The following ENOX1 variants were observed in gnomAD, a reference collection of about 807,000 sequenced individuals.
ENOX1 encodes the protein candidate growth-related and time keeping constitutive hydroquinone (NADH) oxidase.
A neutral mutation model predicts 82.5 loss-of-function variants in ENOX1; 42 were observed. The observed-to-expected ratio is 0.51, with a 90% CI of 0.40 to 0.66. The LOEUF is 0.66. Ranked by LOEUF, ENOX1 falls within the 30% of genes least tolerant of loss-of-function variation. ENOX1 has a pLI of 0.00. For missense variants in ENOX1, 608 were observed against 811.6 expected (o/e 0.75, Z 3.05); for synonymous variants, 271 against 282.2 (o/e 0.96, Z 0.40).
intron 2 of ENOX1, among the ~76,000 whole-genome samples, chr13:43,554,450 T>G (rs1264492365): frequency 6.6e-6 from 1 of 152,222 alleles, no homozygotes; most frequent in Non-Finnish European, 1.5e-5. Flanking sequence ...GGGCATTCAT[T>G]ATCTCCTTTG....
At chr13:43,340,583 C>T (rs1407736951) in intron 9 of ENOX1, among the ~76,000 whole-genome samples, 2 of 152,206 alleles carry the variant, frequency 1.3e-5, no homozygotes, top group Non-Finnish European at 2.9e-5. Context: ...ATGATTCTTT[C>T]ACCCCAACTC....
At chr13:43,567,703 T>C (rs972329240) in intron 2 of ENOX1, among the ~76,000 whole-genome samples, 15 of 152,128 alleles carry the variant, frequency 9.9e-5, no homozygotes, top group African/African-American at 3.6e-4. Context: ...TTAATCTACA[T>C]GTCTACTCTG....
chr13:43,785,346 A>G (rs1415998297), intron 1 of ENOX1, among the ~76,000 whole-genome samples: 1 of 152,144 alleles, frequency 6.6e-6, no homozygotes, highest in Non-Finnish European at 1.5e-5. Flanking sequence ...TCTCTCCTCC[A>G]GGAATCAATT....
intron 12 of ENOX1, among the ~76,000 whole-genome samples, chr13:43,293,697 C>G (rs754685950): frequency 9.9e-5 from 15 of 152,190 alleles, no homozygotes; most frequent in Non-Finnish European, 2.1e-4. Context: ...TTGCAGAAGA[C>G]ATGCTGAACT....
chr13:43,236,055 A>G (rs1405057050), intron 15 of ENOX1, among the ~76,000 whole-genome samples: 1 of 152,198 alleles, frequency 6.6e-6, no homozygotes, highest in East Asian at 1.9e-4. Context: ...CCTCGTGAAA[A>G]TAAGTAAGAC....
intron 1 of ENOX1, among the ~76,000 whole-genome samples, chr13:43,732,385 C>T (rs967979098): frequency 3.9e-5 from 6 of 152,188 alleles, no homozygotes; most frequent in African/African-American, 1.4e-4. Context: ...AGAATATACT[C>T]TCAAATCCTC....
rs1269522386 is a variant in ENOX1, at chr13:43,325,089, A to G, written c.1143+1330T>C. On this transcript the variant is annotated intron_variant, in intron 10 of 16. Coordinates refer to ENST00000690772, the MANE Select transcript of ENOX1 (RefSeq NM_001347969.2). ...TCATAACCCTCAGTTTGTCTACTGC[A>G]TCACAAACAGAGGACTCTTTTTTTT... 8.5e-5 allele frequency among the ~76,000 whole-genome samples: 13 copies of G among 152,200 alleles called. 1 individual carries two copies. Among genetic ancestry groups the G allele is most frequent in the Admixed American group, 8.5e-4 (13 of 15,278 alleles).
At chr13:43,577,842 C>T (rs1303285411) in intron 2 of ENOX1, among the ~76,000 whole-genome samples, 1 of 152,206 alleles carries the variant, frequency 6.6e-6, no homozygotes, top group Non-Finnish European at 1.5e-5. Flanking sequence ...TCTCTATTAA[C>T]TGACAACTTT....
intron 5 of ENOX1, among the ~76,000 whole-genome samples, chr13:43,379,252 C>G (rs924481375): frequency 6.6e-6 from 1 of 151,730 alleles, no homozygotes; most frequent in Non-Finnish European, 1.5e-5. Context: ...CCTGTTATAG[C>G]AATAGTAAAA....
intron 9 of ENOX1, among the ~76,000 whole-genome samples, chr13:43,328,242 CG>C (rs923821817): frequency 2.0e-5 from 3 of 152,182 alleles, no homozygotes; most frequent in Non-Finnish European, 4.4e-5. Context: ...AGTGGATCAC[CG>C]GGGCTTTCTG....
At chr13:43,349,742 A>G (rs2049646822) in intron 8 of ENOX1, among the ~76,000 whole-genome samples, 1 of 152,272 alleles carries the variant, frequency 6.6e-6, no homozygotes, top group African/African-American at 2.4e-5. Flanking sequence ...AGTGAAGGCC[A>G]GGTAAACTGG....
intron 1 of ENOX1, among the ~76,000 whole-genome samples, chr13:43,701,717 T>G (rs550957559): frequency 6.6e-6 from 1 of 152,316 alleles, no homozygotes; most frequent in Admixed American, 6.5e-5. Context: ...GATTTTAGAC[T>G]GAAGGAATTT....
At chr13:43,362,089 C>T (rs1481427143) in intron 5 of ENOX1, among the ~76,000 whole-genome samples, 1 of 151,522 alleles carries the variant, frequency 6.6e-6, no homozygotes, top group Admixed American at 6.6e-5. Flanking sequence ...TGGATAATTG[C>T]ACTTTCTTCC....
intron 2 of ENOX1, chr13:43,544,028 T>C (rs1201918840): frequency 1.3e-5 from 2 of 150,002 alleles, no homozygotes; most frequent in Non-Finnish European, 3.0e-5. Context: ...GCAATTCTCC[T>C]GCCTCAGCCT....
chr13:43,727,275 G>C lies in ENOX1; in HGVS notation c.-285+59377C>G, dbSNP rs527259898. Among the ~76,000 whole-genome samples, 6 of 152,242 alleles carry C rather than the reference G, an allele frequency of 3.9e-5. 1 individual carries two copies. In the South Asian group the frequency reaches 1.2e-3, roughly 32 times the overall value. The stretch of plus-strand genomic sequence containing the variant: ...CATGTTAAACCAGGTGGGAATAAGA[G>C]ACCAACATCTTCCTCTAGACTCAGC... On this transcript the variant is annotated intron_variant, in intron 1 of 16. Transcript: ENST00000690772.
chr13:43,372,715 C>T (rs902243523), intron 5 of ENOX1, among the ~76,000 whole-genome samples: 2 of 152,140 alleles, frequency 1.3e-5, no homozygotes, highest in Admixed American at 1.3e-4. Flanking sequence ...ATGAAATAAA[C>T]TCAATCTTCA....
intron 9 of ENOX1, among the ~76,000 whole-genome samples, chr13:43,337,930 T>C (rs1222835906): frequency 6.6e-6 from 1 of 152,200 alleles, no homozygotes; most frequent in Non-Finnish European, 1.5e-5. Context: ...AGCTCTAACA[T>C]TCTATAATTT....
At chr13:43,652,216 G>A (rs765752567) in intron 2 of ENOX1, among the ~76,000 whole-genome samples, 4 of 152,092 alleles carry the variant, frequency 2.6e-5, no homozygotes, top group Non-Finnish European at 4.4e-5. Context: ...GGAAGTCACC[G>A]GTTAATCCTG....
rs150936287 is a variant in ENOX1, at chr13:43,442,045, A to G, written c.-74-29057T>C. Among the ~76,000 whole-genome samples the G allele has an allele frequency of 5.5e-4, 84 of 152,218 alleles. No individual in the cohort carries two copies. The Middle Eastern group carries it at 0.014, about 25-fold the overall frequency. ...GATCTCCTGGGAAATTAAAACGCCT[A>G]CACGTAGGGAGAATTGAACAGACCA... is the stretch of plus-strand genomic sequence containing the variant. On this transcript the variant is annotated intron_variant, in intron 3 of 16. Coordinates refer to ENST00000690772, the MANE Select transcript of ENOX1 (RefSeq NM_001347969.2).
Sources: allele counts gnomAD v4.1 joint callset (sites outside exome capture counted in the v4.1 genomes callset), GRCh38; gene constraint gnomAD v4.1.1; transcripts MANE v1.5; gene names NCBI Gene and HGNC (gene_info 2026-07-23, HGNC 2026-07-21).